Variants in NALCN observed in about 807,000 individuals in gnomAD.
NALCN encodes sodium leak channel NALCN.
NALCN carries 111 observed loss-of-function variants against 225.3 expected under a neutral mutation model. That is an observed-to-expected ratio of 0.49 (90% CI 0.42 to 0.58). NALCN has a LOEUF of 0.58. Among genes scored for constraint, NALCN ranks in the 20% least tolerant of loss-of-function variants. NALCN has a pLI of 0.00. For synonymous variants in NALCN, 764 were observed against 769.0 expected, an observed-to-expected ratio of 0.99 and a Z score of 0.11; for missense variants, 1,378 against 2,202.4, an observed-to-expected ratio of 0.63 and a Z score of 7.49.
intron 20 of NALCN, among the ~76,000 whole-genome samples, chr13:101,110,023 G>A (rs1272007593): frequency 6.6e-6 from 1 of 152,094 alleles, no homozygotes; most frequent in Non-Finnish European, 1.5e-5. Flanking sequence ...TTAAGCTCCA[G>A]GAGGGCACTG....
chr13:101,303,400 G>A (rs475328), intron 7 of NALCN, among the ~76,000 whole-genome samples: 16,651 of 152,076 alleles, frequency 0.11, 993 homozygotes, highest in African/African-American at 0.16. Context: ...ACAGAGAGAG[G>A]CTGAATTGTG....
intron 13 of NALCN, among the ~76,000 whole-genome samples, chr13:101,197,033 T>G (rs2039918472): frequency 6.6e-6 from 1 of 152,128 alleles, no homozygotes; most frequent in Admixed American, 6.6e-5. Flanking sequence ...GCCTTCACTC[T>G]CAAGCCTCCT....
At chr13:101,339,392 G>C (rs2045485414) in intron 7 of NALCN, among the ~76,000 whole-genome samples, 1 of 152,134 alleles carries the variant, frequency 6.6e-6, no homozygotes, top group Non-Finnish European at 1.5e-5. Context: ...TGAGTGCACG[G>C]GCTAATGTCT....
chr13:101,363,459 A>G (rs1252555310), intron 6 of NALCN, among the ~76,000 whole-genome samples: 1 of 152,146 alleles, frequency 6.6e-6, no homozygotes, highest in Non-Finnish European at 1.5e-5. Flanking sequence ...TTCATTCTTG[A>G]CAAAGGTATC....
intron 13 of NALCN, among the ~76,000 whole-genome samples, chr13:101,228,496 G>T (rs1191347506): frequency 6.6e-6 from 1 of 152,052 alleles, no homozygotes; most frequent in Admixed American, 6.5e-5. Flanking sequence ...CTGCTCTTGT[G>T]GTAGTGAATA....
At chr13:101,170,207 T>A (rs2038647682) in intron 15 of NALCN, among the ~76,000 whole-genome samples, 1 of 152,198 alleles carries the variant, frequency 6.6e-6, no homozygotes, top group Non-Finnish European at 1.5e-5. Context: ...AGTCCCACTA[T>A]CTGCTCTCTT....
chr13:101,130,940 G>A lies in NALCN; in HGVS notation c.2119-6259C>T, dbSNP rs9582448. Among the ~76,000 whole-genome samples the A allele has an allele frequency of 6.5e-3, 994 of 152,032 alleles. 5 individuals carry two copies. Among genetic ancestry groups the A allele is most frequent in the African/African-American group, 0.023 (950 of 41,488 alleles). On this transcript the variant is annotated intron_variant, in intron 17 of 43. Transcript: ENST00000251127. ...CTCTTGCTGTGGTTTTTCTTCCTTA[G>A]GGACACCTATAATGCAGATGTCGGA...
chr13:101,280,870 TTC>T lies in NALCN; in HGVS notation c.1134+3061_1134+3062del, dbSNP rs200482245. Among the ~76,000 whole-genome samples the T allele has an allele frequency of 5.4e-3, 756 of 140,662 alleles. 196 individuals carry two copies. Among genetic ancestry groups the T allele is most frequent in the Middle Eastern group, 7.4e-3 (2 of 272 alleles). 92.3% of individuals were successfully genotyped at this position (140,662 alleles called of 152,430 possible). ...TCATCCTTAGTCATTCTTTTCCTCA[TTC>T]TCTCTCTCTCTTTTTTTTTTTTTTT... On this transcript the variant is annotated intron_variant, in intron 10 of 43. Coordinates refer to ENST00000251127, the MANE Select transcript of NALCN (RefSeq NM_052867.4).
At chr13:101,233,369 C>T (rs1594492146) in intron 12 of NALCN, among the ~76,000 whole-genome samples, 1 of 140,254 alleles carries the variant, frequency 7.1e-6, no homozygotes, top group African/African-American at 2.7e-5. Flanking sequence ...GAGACGGAGT[C>T]TCCCTCTGTG....
chr13:101,104,169 C>A lies in NALCN; in HGVS notation c.2889+126G>T. On this transcript the variant is annotated intron_variant, in intron 25 of 43. Transcript: ENST00000251127. The surrounding 1 kb of genome is among the most constrained non-coding windows in gnomAD (Gnocchi z 4.2). ...TGCATATAATGAACTACTCTAGAGT[C>A]CATTTAAGAATTCGGTTAGGGAATC... The A allele has an allele frequency of 9.1e-7, 1 of 1,100,530 alleles. No individual in the cohort carries two copies. The highest frequency in any genetic ancestry group is 1.3e-6 in the Non-Finnish European group (1 of 778,758). 68.2% of individuals were successfully genotyped at this position (1,100,530 alleles called of 1,614,324 possible).
chr13:101,090,072 G>A, intron 28 of NALCN, 106 bp from the exon 29 acceptor site: 4 of 1,488,696 alleles, frequency 2.7e-6, no homozygotes, highest in Non-Finnish European at 3.7e-6. Flanking sequence ...GTGTGTGTGT[G>A]TGTATATACA....
intron 15 of NALCN, among the ~76,000 whole-genome samples, chr13:101,150,381 A>G (rs979095467): frequency 6.6e-6 from 1 of 152,216 alleles, no homozygotes; most frequent in African/African-American, 2.4e-5. Context: ...ATTAGAGTTC[A>G]GTTAAAAGTT....
intron 7 of NALCN, among the ~76,000 whole-genome samples, chr13:101,334,186 A>G (rs984273920): frequency 9.8e-6 from 1 of 101,952 alleles, no homozygotes; most frequent in Admixed American, 8.8e-5. Context: ...GCACGTGTGC[A>G]CACACACACA....
chr13:101,202,336 A>C (rs564200299), intron 13 of NALCN, among the ~76,000 whole-genome samples: 173 of 152,324 alleles, frequency 1.1e-3, no homozygotes, highest in Non-Finnish European at 1.4e-3. Flanking sequence ...TGAAGATGAC[A>C]TGAAATGTAT....
intron 10 of NALCN, among the ~76,000 whole-genome samples, chr13:101,261,394 A>AT (rs2042421301): frequency 6.6e-6 from 1 of 152,134 alleles, no homozygotes; most frequent in African/African-American, 2.4e-5. Context: ...GAAGAATATC[A>AT]TTGGTATTTT....
intron 10 of NALCN, among the ~76,000 whole-genome samples, chr13:101,280,116 C>T (rs1030070221): frequency 3.3e-5 from 5 of 152,246 alleles, no homozygotes; most frequent in African/African-American, 1.2e-4. Flanking sequence ...TATTCTCTCT[C>T]TAATCACAGC....
chr13:101,366,127 G>C (rs549478149), intron 6 of NALCN, among the ~76,000 whole-genome samples: 7 of 152,082 alleles, frequency 4.6e-5, no homozygotes, highest in Non-Finnish European at 1.0e-4. Flanking sequence ...TCTGCTACAA[G>C]CCATTGCTCT....
intron 10 of NALCN, among the ~76,000 whole-genome samples, chr13:101,271,522 T>C (rs1420440293): frequency 1.3e-5 from 2 of 152,172 alleles, no homozygotes; most frequent in African/African-American, 2.4e-5. Context: ...ACCATTTTTA[T>C]ATTCACTTTT....
intron 42 of NALCN, chr13:101,059,069 C>A (rs768377551): frequency 6.6e-6 from 1 of 152,340 alleles, no homozygotes; most frequent in Non-Finnish European, 1.5e-5. Flanking sequence ...GAGCCTGGTG[C>A]TGCTGGGGGC....
Sources: allele counts gnomAD v4.1 joint callset (sites outside exome capture counted in the v4.1 genomes callset), GRCh38; gene constraint gnomAD v4.1.1; non-coding constraint Gnocchi (gnomAD v3.1); transcripts MANE v1.5; gene names NCBI Gene and HGNC (gene_info 2026-07-23, HGNC 2026-07-21).